The following ARHGAP17 variants were observed in gnomAD, a reference collection of about 807,000 sequenced individuals.
ARHGAP17 encodes the protein Rho GTPase activating protein 17, also known as rho GTPase-activating protein 17.
A neutral mutation model predicts 99.5 loss-of-function variants in ARHGAP17; 57 were observed. The ratio of observed to expected loss-of-function variants is 0.57; its 90% CI spans 0.46 to 0.71. ARHGAP17 has a LOEUF of 0.71. Ranked by LOEUF, ARHGAP17 falls within the 30% of genes least tolerant of loss-of-function variation. ARHGAP17 has a pLI of 0.00. For synonymous variants in ARHGAP17, 417 were observed against 429.6 expected, an observed-to-expected ratio of 0.97 and a Z score of 0.36; for missense variants, 1,000 against 1,122.4, an observed-to-expected ratio of 0.89 and a Z score of 1.56.
chr16:24,985,463 C>T (rs529046684), intron 1 of ARHGAP17, among the ~76,000 whole-genome samples: 1 of 152,320 alleles, frequency 6.6e-6, no homozygotes, highest in East Asian at 1.9e-4. Context: ...TACCGCATTC[C>T]TTGGCCTCCT....
intron 1 of ARHGAP17, among the ~76,000 whole-genome samples, chr16:24,999,790 T>C (rs1191046604): frequency 1.3e-5 from 2 of 152,202 alleles, no homozygotes; most frequent in Admixed American, 6.5e-5. Flanking sequence ...CAATAAGCTA[T>C]ATTTTCTTGT....
At chr16:24,940,417 G>C (rs1240758973) in intron 16 of ARHGAP17, among the ~76,000 whole-genome samples, 3 of 152,202 alleles carry the variant, frequency 2.0e-5, no homozygotes, top group African/African-American at 7.2e-5. Flanking sequence ...GAAAAGCTGG[G>C]CATGGTAGCT....
At chr16:24,998,552 G>A (rs2053267334) in intron 1 of ARHGAP17, among the ~76,000 whole-genome samples, 1 of 152,128 alleles carries the variant, frequency 6.6e-6, no homozygotes, top group Non-Finnish European at 1.5e-5. Context: ...GTGGGTGTCT[G>A]GGGTAGGGTG....
chr16:24,974,781 G>A (rs2052467302), intron 3 of ARHGAP17, among the ~76,000 whole-genome samples: 1 of 152,186 alleles, frequency 6.6e-6, no homozygotes. Context: ...CAATGGAGAT[G>A]AGCAATTTAA....
Position 24,964,180 on chromosome 16 carries a change from T to C in ARHGAP17, c.573+17A>G. 1 of 1,494,908 alleles carries C rather than the reference T, an allele frequency of 6.7e-7. No homozygotes were observed. The highest frequency in any genetic ancestry group is 9.0e-7 in the Non-Finnish European group (1 of 1,106,774). The allele number at this position is 1,494,908 out of a possible 1,614,324, so 92.6% of individuals were successfully genotyped here. A position where few individuals can be genotyped will look rare whatever the true frequency, so the allele number is the denominator to read the frequency against. On this transcript the variant is annotated intron_variant, in intron 7 of 19. Coordinates refer to ENST00000289968, the MANE Select transcript of ARHGAP17 (RefSeq NM_001006634.3). ...TGCAAAAACCGAAAAGATACATTTA[T>C]CAAGGAATTCTCATACCTTGCACTG...
At chr16:24,965,391 A>G (rs980930298) in intron 6 of ARHGAP17, among the ~76,000 whole-genome samples, 22 of 152,214 alleles carry the variant, frequency 1.4e-4, no homozygotes, top group Non-Finnish European at 1.6e-4. Context: ...AATGGCGTGA[A>G]CCTGGGAGGC....
chr16:24,995,709 T>C (rs2053172699), intron 1 of ARHGAP17, among the ~76,000 whole-genome samples: 1 of 152,128 alleles, frequency 6.6e-6, no homozygotes, highest in South Asian at 2.1e-4. Context: ...ACTGAAGGAC[T>C]GCGGAAAACA....
chr16:24,975,240 G>C (rs148729145), intron 3 of ARHGAP17, among the ~76,000 whole-genome samples: 3 of 152,322 alleles, frequency 2.0e-5, no homozygotes, highest in Non-Finnish European at 4.4e-5. Flanking sequence ...AGTCAACACA[G>C]AAGGAAGAAC....
At chr16:24,979,128 CA>C (rs949263941) in intron 1 of ARHGAP17, 123 bp from the exon 2 acceptor site, 8 of 681,774 alleles carry the variant, frequency 1.2e-5, no homozygotes, top group African/African-American at 3.8e-5. Flanking sequence ...GAAGGGTTGG[CA>C]GGGGCAGTTT....
chr16:25,005,929 A>C (rs924968045), intron 1 of ARHGAP17, among the ~76,000 whole-genome samples: 1 of 152,228 alleles, frequency 6.6e-6, no homozygotes, highest in Non-Finnish European at 1.5e-5. Context: ...CTTAGGAGAC[A>C]ACCTGGCAAT....
At chr16:24,953,156 C>T in intron 10 of ARHGAP17, 114 bp from the exon 11 acceptor site, 3 of 921,788 alleles carry the variant, frequency 3.3e-6, no homozygotes, top group Non-Finnish European at 5.1e-6. Flanking sequence ...TCTATGAAAG[C>T]AGTGTTACTG....
chr16:24,937,861 G>A (rs73555430), intron 17 of ARHGAP17, among the ~76,000 whole-genome samples: 8,456 of 152,214 alleles, frequency 0.056, 779 homozygotes, highest in African/African-American at 0.19. Flanking sequence ...TCCTTGTTTT[G>A]TGCACATTTA....
chr16:24,931,665 A>C (rs934101993), intron 18 of ARHGAP17, among the ~76,000 whole-genome samples: 5 of 152,190 alleles, frequency 3.3e-5, no homozygotes, highest in African/African-American at 1.2e-4. Context: ...AAGGCCATAG[A>C]AAAGCACAGA....
chr16:24,922,867 AGGTTTCACCATGTTGACTGGGCT>A (rs2050751555), intron 19 of ARHGAP17, among the ~76,000 whole-genome samples: 1 of 151,886 alleles, frequency 6.6e-6, no homozygotes, highest in Non-Finnish European at 1.5e-5. Context: ...GGTAGAGACA[AGGTTTCACCATGTTGACTGGGCT>A]GGTCTTGAAC....
At chr16:24,963,903 G>A (rs978717784) in intron 7 of ARHGAP17, among the ~76,000 whole-genome samples, 16 of 151,420 alleles carry the variant, frequency 1.1e-4, no homozygotes, top group East Asian at 1.9e-4. Flanking sequence ...ATTTTTAATC[G>A]CTGTAATTTT....
chr16:25,015,139 T>TGGGGGCCC, intron 1 of ARHGAP17, 70 bp downstream of exon 1: 1 of 1,195,770 alleles, frequency 8.4e-7, no homozygotes, highest in African/African-American at 1.7e-5. Flanking sequence ...GGAGGAGCCG[T>TGGGGGCCC]CCCGCCCCCG....
At chr16:24,930,137 T>C (rs1431311868) in intron 19 of ARHGAP17, among the ~76,000 whole-genome samples, 8 of 152,236 alleles carry the variant, frequency 5.3e-5, no homozygotes, top group Non-Finnish European at 8.8e-5. Context: ...CACTAAAACC[T>C]GTACAATCAC....
intron 18 of ARHGAP17, among the ~76,000 whole-genome samples, chr16:24,932,342 G>A (rs1270611761): frequency 6.6e-6 from 1 of 152,132 alleles, no homozygotes; most frequent in African/African-American, 2.4e-5. Context: ...GGGCTTTAAA[G>A]GCCTATCGTT....
At position 24,939,852 on chromosome 16, in the gene ARHGAP17, G is replaced by A. The variant is rs527341300; in HGVS notation, c.1491-255C>T. 18 of 533,150 alleles carry A rather than the reference G, an allele frequency of 3.4e-5. No individual in the cohort carries two copies. In the East Asian group the frequency reaches 6.1e-4, roughly 18 times the overall value. 33.0% of individuals were successfully genotyped at this position (533,150 alleles called of 1,614,324 possible). On this transcript the variant is annotated intron_variant, in intron 16 of 19. Transcript: ENST00000289968. ...GGTGTGAGCAGCTAAAAGCAAATAG[G>A]CAGGCCTCATCTTGAATGACATCAT...
Sources: gnomAD v4.1 joint callset for allele counts (sites outside exome capture counted in the v4.1 genomes callset) on GRCh38, gnomAD v4.1.1 for gene constraint, MANE v1.5 for transcripts, NCBI Gene and HGNC (gene_info 2026-07-23, HGNC 2026-07-21) for gene names.